Variants in CEP295 observed in about 807,000 individuals in gnomAD.
The protein encoded by CEP295 is centrosomal protein of 295 kDa.
A neutral mutation model predicts 291.6 loss-of-function variants in CEP295; 190 were observed. The observed-to-expected ratio is 0.65, with a 90% CI of 0.58 to 0.73. The LOEUF (loss-of-function observed/expected upper bound fraction) is 0.73, where lower values mean the gene tolerates loss of function less well. Ranked by LOEUF, CEP295 falls within the 30% of genes least tolerant of loss-of-function variation. CEP295 has a pLI of 0.00. For synonymous variants in CEP295, 993 were observed against 1,038.8 expected (o/e 0.96, Z 0.85); for missense variants, 2,863 against 2,949.4 (o/e 0.97, Z 0.68).
chr11:93,714,153 C>T (rs2135251524), intron 18 of CEP295, among the ~76,000 whole-genome samples: 1 of 152,220 alleles, frequency 6.6e-6, no homozygotes, highest in East Asian at 1.9e-4. Flanking sequence ...AGGGATTGGC[C>T]CTTGGTCCCT....
At position 93,692,022 on chromosome 11, in the gene CEP295, C is replaced by G. The variant is rs1248147861; in HGVS notation, c.1525C>G (p.Gln509Glu). Residue 509 changes from glutamine to glutamate, a missense_variant, in exon 12 of 30, where the codon CAG (glutamine) becomes GAG (glutamate). This residue lies in a region of CEP295 where 14 missense variants were observed against 37.7 expected (regional missense o/e 0.37). Coordinates refer to ENST00000325212, the MANE Select transcript of CEP295 (RefSeq NM_033395.2). The part of the protein sequence containing the change: ...AAARIRMSAR[Q>E]KQIMEIEEQK... ...AGCCAGGATTAGAATGTCAGCAAGG[C>G]AGAAACAGGTAATTTGAAATTTTAT... The G allele has an allele frequency of 2.7e-6, 4 of 1,463,266 alleles. No homozygotes were observed. In the East Asian group the frequency reaches 9.9e-5, roughly 36 times the overall value. The allele number at this position is 1,463,266 out of a possible 1,614,324, so 90.6% of individuals were successfully genotyped here.
chr11:93,665,627 G>C (rs1950173660), intron 1 of CEP295, among the ~76,000 whole-genome samples: 1 of 152,214 alleles, frequency 6.6e-6, no homozygotes, highest in African/African-American at 2.4e-5. Context: ...AGAATCACTT[G>C]AACTCAGGAG....
chr11:93,706,636 A>G lies in CEP295; in HGVS notation c.5597-109A>G, dbSNP rs16919240. 5,111 of 871,750 alleles carry G rather than the reference A, an allele frequency of 5.9e-3. 21 individuals carry two copies. The highest frequency in any genetic ancestry group is 8.9e-3 in the Middle Eastern group (38 of 4,250). 54.0% of individuals were successfully genotyped at this position (871,750 alleles called of 1,614,324 possible). On this transcript the variant is annotated intron_variant, in intron 17 of 29. Coordinates refer to ENST00000325212, the MANE Select transcript of CEP295 (RefSeq NM_033395.2). ...GAAAGGTAAGGAATTATTGCTATAT[A>G]CAGTAAGTCTTTAAGAGCTTAGATT... is the stretch of plus-strand genomic sequence containing the variant.
rs1952240755 is a variant in CEP295, at chr11:93,702,626, C to T, written c.5441C>T (p.Ala1814Val). The T allele has an allele frequency of 1.3e-6, 2 of 1,543,362 alleles. No individual in the cohort carries two copies. Among genetic ancestry groups the T allele is most frequent in the Non-Finnish European group, 8.7e-7 (1 of 1,143,930 alleles). ...DNHLASEDTS[A>V]KQSGEHLEKD... ...CATTTGGCTTCAGAAGATACTAGTGCCAAGCAAAGTGGTAAGATAATTGTG... is the reference window on the plus strand; with the variant it reads ...CATTTGGCTTCAGAAGATACTAGTGTCAAGCAAAGTGGTAAGATAATTGTG... Residue 1814 changes from alanine to valine, a missense_variant, in exon 16 of 30, where the codon GCC becomes GTC. Physicochemically the swap from Ala to Val is moderately conservative, Grantham distance 64. Transcript: ENST00000325212.
At position 93,699,900 on chromosome 11, in the gene CEP295, C is replaced by G; in HGVS notation, c.4988C>G (p.Ala1663Gly). The part of the protein sequence containing the change: ...HSFIPLPFAE[A>G]KPKSTCELYS... Reference sequence around the variant, plus strand: ...TTTATTCCACTACCTTTTGCAGAAGCTAAACCTAAAAGCACTTGTGAATTG... The same window carrying G: ...TTTATTCCACTACCTTTTGCAGAAGGTAAACCTAAAAGCACTTGTGAATTG... Residue 1663 changes from alanine (A) to glycine (G), a missense_variant, in exon 15 of 30, where the codon GCT becomes GGT. Physicochemically the swap from Ala to Gly is moderately conservative, Grantham distance 60 (BLOSUM62 0). Transcript: ENST00000325212. The G allele has an allele frequency of 3.2e-6, 5 of 1,551,842 alleles. No homozygotes were observed. The highest frequency in any genetic ancestry group is 4.4e-6 in the Non-Finnish European group (5 of 1,147,022).
Position 93,702,913 on chromosome 11 carries a change from A to G in CEP295, c.5590A>G (p.Ile1864Val). 1.9e-6 allele frequency: 3 copies of G among 1,540,282 alleles called. No individual in the cohort carries two copies. The highest frequency in any genetic ancestry group is 2.6e-6 in the Non-Finnish European group (3 of 1,144,000). The change falls in exon 17 of 30, where the codon ATA becomes GTA. Residue 1864 changes from isoleucine (I) to valine (V), a missense_variant. Physicochemically the swap from Ile to Val is conservative, Grantham distance 29. This residue lies in a region of CEP295 where 2,295 missense variants were observed against 2,335.7 expected (regional missense o/e 0.98). Coordinates refer to ENST00000325212, the MANE Select transcript of CEP295 (RefSeq NM_033395.2). ...VESPAIGRTS[I>V]LGKPGIYEDR... ...GTCACCAGCAATTGGCAGAACTTCT[A>G]TACTAGGTAAATAGATGCTTTGATA...
At chr11:93,701,609 G>T (rs1177378427) in intron 15 of CEP295, among the ~76,000 whole-genome samples, 3 of 152,034 alleles carry the variant, frequency 2.0e-5, no homozygotes, top group East Asian at 1.9e-4. Flanking sequence ...TTGTTTGTTT[G>T]TTTGTTTGTT....
Position 93,697,851 on chromosome 11 carries a change from G to A in CEP295, c.2939G>A (p.Ser980Asn), listed in dbSNP as rs1408149279. 1 of 1,551,632 alleles carries A rather than the reference G, an allele frequency of 6.4e-7. No individual in the cohort carries two copies. Among genetic ancestry groups the A allele is most frequent in the African/African-American group, 1.4e-5 (1 of 73,048 alleles). ...GAAGTATTGTATGTACATAAACAGAGTGAATTGGATAGAAGAGTATGTTCC... is the reference window on the plus strand; with the variant it reads ...GAAGTATTGTATGTACATAAACAGAATGAATTGGATAGAAGAGTATGTTCC... ...AQEVLYVHKQ[S>N]ELDRRVCSEQ... The change falls in exon 15 of 30, where the codon AGT becomes AAT. Residue 980 changes from serine to asparagine, a missense_variant. Transcript: ENST00000325212.
At chr11:93,669,090 G>A (rs988638978) in intron 4 of CEP295, among the ~76,000 whole-genome samples, 158 bp downstream of exon 4, 1 of 152,132 alleles carries the variant, frequency 6.6e-6, no homozygotes, top group African/African-American at 2.4e-5. Context: ...GACAGGGAAT[G>A]ATTTGCTTAG....
At position 93,698,539 on chromosome 11, in the gene CEP295, C is replaced by G. The variant is rs1479327018; in HGVS notation, c.3627C>G (p.Ser1209=). The G allele has an allele frequency of 1.9e-6, 3 of 1,551,940 alleles. No individual in the cohort carries two copies. Among genetic ancestry groups the G allele is most frequent in the African/African-American group, 1.4e-5 (1 of 73,032 alleles). The part of the protein sequence containing the change: ...SEQTGTSSSL[S]QVDESERFQE... ...AGACTGGCACCTCCTCATCCCTTTCCCAGGTGGATGAATCTGAGAGATTCC... is the reference window on the plus strand; with the variant it reads ...AGACTGGCACCTCCTCATCCCTTTCGCAGGTGGATGAATCTGAGAGATTCC... The change falls in exon 15 of 30, where the codon TCC becomes TCG. Residue 1209 remains serine, a synonymous_variant. Coordinates refer to ENST00000325212, the MANE Select transcript of CEP295 (RefSeq NM_033395.2).
At chr11:93,672,317 T>C (rs1950490678) in intron 5 of CEP295, among the ~76,000 whole-genome samples, 1 of 152,252 alleles carries the variant, frequency 6.6e-6, no homozygotes, top group Admixed American at 6.5e-5. Flanking sequence ...AGAATGAAGT[T>C]TGTATTGAAA....
intron 15 of CEP295, among the ~76,000 whole-genome samples, chr11:93,701,486 T>C (rs1036513231): frequency 5.9e-5 from 9 of 152,204 alleles, no homozygotes; most frequent in African/African-American, 2.2e-4. Context: ...CGTCAAGAGA[T>C]TTACTGGTCA....
Position 93,721,993 on chromosome 11 carries a change from G to A in CEP295, c.5890G>A (p.Val1964Ile), listed in dbSNP as rs898847883. 8 of 1,587,036 alleles carry A rather than the reference G, an allele frequency of 5.0e-6. No homozygotes were observed. The highest frequency in any genetic ancestry group is 6.0e-6 in the Non-Finnish European group (7 of 1,164,402). Residue 1964 changes from valine (V) to isoleucine (I), a missense_variant, in exon 20 of 30, where the codon GTT becomes ATT. Physicochemically the swap from Val to Ile is conservative, Grantham distance 29. Around this residue, in one of 3 missense-constraint regions of CEP295, gnomAD observed 2,295 missense variants for 2,335.7 expected, o/e 0.98. Coordinates refer to ENST00000325212, the MANE Select transcript of CEP295 (RefSeq NM_033395.2). ...TTATGAACCATTATCTTCAGCAACTGTTTCCACTGGGAGCCTTTTAAGTTA... is the reference window on the plus strand; with the variant it reads ...TTATGAACCATTATCTTCAGCAACTATTTCCACTGGGAGCCTTTTAAGTTA... Reference protein sequence around the residue: ...LSYEPLSSATVSTGSLLSYEN... With the variant: ...LSYEPLSSATISTGSLLSYEN...
At position 93,729,947 on chromosome 11, in the gene CEP295, C is replaced by G; in HGVS notation, c.7645C>G (p.Leu2549Val). ...TGAAGACAGAAAGACTACACAGGCT[C>G]TAAGGCACCAAAGGGGTCTAAGGTA... ...FPEDRKTTQA[L>V]RHQRGLRLYN... The change falls in exon 28 of 30, where the codon CTA (leucine) becomes GTA (valine). Residue 2549 changes from leucine to valine, a missense_variant. Leu to Val is a conservative substitution (Grantham distance 32). This residue lies in a region of CEP295 where 2,295 missense variants were observed against 2,335.7 expected (regional missense o/e 0.98). Transcript: ENST00000325212. 3.2e-6 allele frequency: 5 copies of G among 1,543,692 alleles called. No homozygotes were observed. The highest frequency in any genetic ancestry group is 4.4e-6 in the Non-Finnish European group (5 of 1,145,066).
chr11:93,665,523 C>T (rs1300767286), intron 1 of CEP295, among the ~76,000 whole-genome samples: 2 of 152,102 alleles, frequency 1.3e-5, no homozygotes, highest in East Asian at 3.9e-4. Flanking sequence ...GTCTGGCCAA[C>T]ATGGTGAACC....
Position 93,702,569 on chromosome 11 carries a change from G to A in CEP295, c.5384G>A (p.Arg1795Lys). The A allele has an allele frequency of 6.4e-7, 1 of 1,551,330 alleles. No homozygotes were observed. Among genetic ancestry groups the A allele is most frequent in the Non-Finnish European group, 8.7e-7 (1 of 1,146,842 alleles). Residue 1795 changes from arginine (R) to lysine (K), a missense_variant, in exon 16 of 30, where the codon AGG (arginine) becomes AAG (lysine). Transcript: ENST00000325212. ...GCAGGAAATGATCAAGAAAATATTA[G>A]GCATGCAGATAGGAACAACTCTGAT... ...DLAGNDQENI[R>K]HADRNNSDDN...
intron 7 of CEP295, among the ~76,000 whole-genome samples, chr11:93,683,098 A>C (rs906555925): frequency 1.3e-5 from 2 of 152,194 alleles, no homozygotes; most frequent in African/African-American, 4.8e-5. Flanking sequence ...GGTAACAAGA[A>C]ATATTCTATG....
chr11:93,697,324 A>G lies in CEP295; in HGVS notation c.2412A>G (p.Ser804=). The G allele has an allele frequency of 1.3e-6, 2 of 1,551,800 alleles. No individual in the cohort carries two copies. The highest frequency in any genetic ancestry group is 1.7e-6 in the Non-Finnish European group (2 of 1,147,012). The change falls in exon 15 of 30, where the codon TCA becomes TCG. Residue 804 remains serine, a synonymous_variant. Transcript: ENST00000325212. ...SFSSLPVKVE[S]GKIQEPFSAM... is the part of the protein sequence containing the mutation. ...GTTCTCTGCCTGTTAAAGTTGAGTC[A>G]GGAAAAATTCAAGAACCCTTTTCAG...
At chr11:93,715,253 C>T (rs940445186) in intron 18 of CEP295, among the ~76,000 whole-genome samples, 17 of 152,254 alleles carry the variant, frequency 1.1e-4, no homozygotes, top group African/African-American at 3.6e-4. Flanking sequence ...ACTCTCTCCC[C>T]TTGTCCACCA....
Sources: allele counts gnomAD v4.1 joint callset (sites outside exome capture counted in the v4.1 genomes callset), GRCh38; gene constraint gnomAD v4.1.1; regional missense constraint gnomAD v4.1.1; transcripts MANE v1.5; gene names NCBI Gene and HGNC (gene_info 2026-07-23, HGNC 2026-07-21).